Variants in CAPN7 observed in about 807,000 individuals in gnomAD.
CAPN7 encodes calpain 7, also known as calpain-7.
A neutral mutation model predicts 115.2 loss-of-function variants in CAPN7; 72 were observed. That is an observed-to-expected ratio of 0.63 (90% CI 0.52 to 0.76). The LOEUF (loss-of-function observed/expected upper bound fraction) is 0.76. CAPN7 is among the 30% of genes least tolerant of loss of function. CAPN7 has a pLI of 0.00. For missense variants in CAPN7, 905 were observed against 971.5 expected (o/e 0.93, Z 0.91); for synonymous variants, 344 against 322.3 (o/e 1.07, Z -0.72).
At chr3:15,221,346 ATTTTTTT>A (rs772108590) in intron 5 of CAPN7, among the ~76,000 whole-genome samples, 1 of 104,332 alleles carries the variant, frequency 9.6e-6, no homozygotes, top group East Asian at 2.8e-4. Context: ...CATCTGACTA[ATTTTTTT>A]TTTTTTTTTT....
intron 7 of CAPN7, among the ~76,000 whole-genome samples, chr3:15,228,410 ATATT>A (rs1400106001): frequency 6.6e-6 from 1 of 152,214 alleles, no homozygotes; most frequent in African/African-American, 2.4e-5. Flanking sequence ...AACCAGGAAA[ATATT>A]TAGTATACAT....
At chr3:15,246,379 G>C (rs1028589306) in intron 17 of CAPN7, 4 of 199,330 alleles carry the variant, frequency 2.0e-5, no homozygotes, top group Non-Finnish European at 4.0e-5. Flanking sequence ...GAAGGTCATT[G>C]TAATTTTCTT....
Position 15,240,595 on chromosome 3 carries a change from A to G in CAPN7, c.1530A>G (p.Arg510=). 6.2e-7 allele frequency: 1 copy of G among 1,604,584 alleles called. No individual in the cohort carries two copies. The highest frequency in any genetic ancestry group is 2.2e-5 in the East Asian group (1 of 44,786). Residue 510 remains arginine, a synonymous_variant, in exon 13 of 21, where the codon CGA becomes CGG. Coordinates refer to ENST00000253693, the MANE Select transcript of CAPN7 (RefSeq NM_014296.3). ...ELQKYLNFDP[R]TAQKIDNGIF... The stretch of plus-strand genomic sequence containing the variant: ...AAAAGTATTTAAACTTTGATCCCCG[A>G]ACAGCTCAGAAAATAGACAACGGTA...
At chr3:15,210,674 A>G in intron 1 of CAPN7, 1 of 527,592 alleles carries the variant, frequency 1.9e-6, no homozygotes, top group Non-Finnish European at 3.1e-6. Flanking sequence ...AGCTCACTGC[A>G]GCCTCCACCT....
chr3:15,217,838 A>G (rs887405899), intron 3 of CAPN7, among the ~76,000 whole-genome samples: 1 of 152,258 alleles, frequency 6.6e-6, no homozygotes, highest in Non-Finnish European at 1.5e-5. Flanking sequence ...TACAACTAAA[A>G]TAAACTTACA....
intron 3 of CAPN7, among the ~76,000 whole-genome samples, chr3:15,218,245 G>C (rs1038281060): frequency 2.0e-5 from 3 of 152,148 alleles, no homozygotes; most frequent in Non-Finnish European, 4.4e-5. Context: ...AAACAGTTCT[G>C]GTCCAGTTAT....
rs776986202 is a variant in CAPN7 at position 15,251,230 on chromosome 3, T to C, written c.2412T>C (p.Ile804=). 6.2e-7 allele frequency: 1 copy of C among 1,604,434 alleles called. No individual in the cohort carries two copies. The highest frequency in any genetic ancestry group is 1.7e-5 in the Admixed American group (1 of 57,252). The change falls in exon 21 of 21, where the codon ATT becomes ATC. Residue 804 remains isoleucine (I), a synonymous_variant. Transcript: ENST00000253693. ...CTTTTTTCTTGGACTTTAATAGTAT[T>C]ATCCCCATCAAGATCACACAACTTC... The part of the protein sequence containing the change: ...EGPFFLDFNS[I]IPIKITQLQ
At chr3:15,236,562 A>G (rs1027152561) in intron 12 of CAPN7, among the ~76,000 whole-genome samples, 25 of 152,210 alleles carry the variant, frequency 1.6e-4, no homozygotes, top group African/African-American at 5.8e-4. Flanking sequence ...TTGCTTAATG[A>G]TGAGTGTACA....
At chr3:15,214,361 C>T (rs1024220625) in intron 2 of CAPN7, among the ~76,000 whole-genome samples, 19 of 152,118 alleles carry the variant, frequency 1.2e-4, no homozygotes, top group Admixed American at 1.0e-3. Flanking sequence ...ACAAGATAGT[C>T]TGCTGACAGT....
At chr3:15,239,329 A>G (rs562743494) in intron 12 of CAPN7, among the ~76,000 whole-genome samples, 1 of 152,294 alleles carries the variant, frequency 6.6e-6, no homozygotes, top group South Asian at 2.1e-4. Context: ...AAAGTACACA[A>G]TTTCCTAAGG....
At chr3:15,229,841 C>T (rs558643915) in intron 8 of CAPN7, among the ~76,000 whole-genome samples, 1 of 152,062 alleles carries the variant, frequency 6.6e-6, no homozygotes, top group African/African-American at 2.4e-5. Flanking sequence ...TTAAAAGATA[C>T]ATTAGCTTAA....
chr3:15,252,846 GTT>G lies in CAPN7; in HGVS notation c.*1588_*1589del, dbSNP rs1460033989. 2 of 151,440 alleles carry G rather than the reference GTT, an allele frequency of 1.3e-5. No individual in the cohort carries two copies. Among genetic ancestry groups the G allele is most frequent in the Non-Finnish European group, 2.9e-5 (2 of 68,016 alleles). The allele number at this position is 151,440 out of a possible 1,614,324, so 9.4% of individuals were successfully genotyped here. A position where few individuals can be genotyped will look rare whatever the true frequency, so the allele number is the denominator to read the frequency against. Reference sequence around the variant, plus strand: ...AAAGACAGGTTACTGACCATTGAGTGTTTACTATGTACCCAATGTGTATATTT... The same window carrying G: ...AAAGACAGGTTACTGACCATTGAGTGTACTATGTACCCAATGTGTATATTT... On this transcript the variant is annotated 3_prime_UTR_variant, in exon 21 of 21. Coordinates refer to ENST00000253693, the MANE Select transcript of CAPN7 (RefSeq NM_014296.3).
chr3:15,233,123 A>G (rs1273924586), intron 10 of CAPN7, among the ~76,000 whole-genome samples: 2 of 152,242 alleles, frequency 1.3e-5, no homozygotes, highest in South Asian at 2.1e-4. Context: ...AATTCTTACA[A>G]TAACCAGCCT....
At chr3:15,221,583 A>C (rs2124918983) in intron 5 of CAPN7, among the ~76,000 whole-genome samples, 1 of 152,198 alleles carries the variant, frequency 6.6e-6, no homozygotes, top group Admixed American at 6.5e-5. Flanking sequence ...GAGCCACTAA[A>C]GGTTAAGGAG....
intron 2 of CAPN7, among the ~76,000 whole-genome samples, chr3:15,216,456 T>G (rs1693599074): frequency 6.6e-6 from 1 of 152,240 alleles, no homozygotes; most frequent in Non-Finnish European, 1.5e-5. Context: ...TTCAGATCCT[T>G]TGCCCATTTT....
chr3:15,245,953 T>C (rs1695634124), intron 17 of CAPN7: 1 of 226,786 alleles, frequency 4.4e-6, no homozygotes. Context: ...TTTTTTTCTT[T>C]TTGAGACAGA....
chr3:15,234,983 ATG>A (rs759174155), intron 11 of CAPN7, 40 bp from the exon 12 acceptor site: 47 of 1,565,210 alleles, frequency 3.0e-5, no homozygotes, highest in Non-Finnish European at 3.8e-5. Flanking sequence ...TAGATTACAA[ATG>A]TGTTTTACTT....
rs748561089 is a variant in CAPN7, at chr3:15,240,898, CTT to C, written c.1652+47_1652+48del. 1.1e-5 allele frequency: 13 copies of C among 1,190,614 alleles called. No homozygotes were observed. The African/African-American group carries it at 1.7e-4, about 15-fold the overall frequency. The allele number at this position is 1,190,614 out of a possible 1,614,324, so 73.8% of individuals were successfully genotyped here. A position where few individuals can be genotyped will look rare whatever the true frequency, so the allele number is the denominator to read the frequency against. ...AGAGTATGCTTTATAATAGCATCCA[CTT>C]TCCTCACTTAAAAACATAATGGTGC... is the stretch of plus-strand genomic sequence containing the variant. On this transcript the variant is annotated intron_variant, in intron 14 of 20. Transcript: ENST00000253693.
intron 1 of CAPN7, among the ~76,000 whole-genome samples, chr3:15,207,474 A>G (rs1295649988): frequency 6.6e-6 from 1 of 152,158 alleles, no homozygotes; most frequent in Non-Finnish European, 1.5e-5. Flanking sequence ...AAATTTTTTT[A>G]ATCTTTCTTC....
Sources: gnomAD v4.1 joint callset for allele counts (sites outside exome capture counted in the v4.1 genomes callset) on GRCh38, gnomAD v4.1.1 for gene constraint, MANE v1.5 for transcripts, NCBI Gene and HGNC (gene_info 2026-07-23, HGNC 2026-07-21) for gene names.